Variants in MEPCE observed in about 807,000 individuals in gnomAD.
MEPCE encodes 7SK snRNA methylphosphate capping enzyme.
MEPCE carries 9 observed loss-of-function variants against 52.3 expected under a neutral mutation model. That is an observed-to-expected ratio of 0.17 (90% CI 0.10 to 0.30). The LOEUF is 0.30. Among genes scored for constraint, MEPCE ranks in the 10% least tolerant of loss-of-function variants. The pLI is 1.00. For missense variants in MEPCE, 826 were observed against 933.0 expected (o/e 0.89, Z 1.49); for synonymous variants, 477 against 401.6 (o/e 1.19, Z -2.25).
chr7:100,434,086 C>G lies in MEPCE; in HGVS notation c.*532C>G, dbSNP rs1219703632. The G allele has an allele frequency of 6.4e-6, 1 of 155,714 alleles. No individual in the cohort carries two copies. The highest frequency in any genetic ancestry group is 1.4e-5 in the Non-Finnish European group (1 of 70,132). The allele number at this position is 155,714 out of a possible 1,614,324, so 9.6% of individuals were successfully genotyped here. A position where few individuals can be genotyped will look rare whatever the true frequency, so the allele number is the denominator to read the frequency against. ...TTGGGTTTTCAATGTGAGAACAGCA[C>G]AATAAACTTGATGTCTAGGGCAGTG... On this transcript the variant is annotated 3_prime_UTR_variant, in exon 4 of 4. Coordinates refer to ENST00000310512, the MANE Select transcript of MEPCE (RefSeq NM_019606.6).
chr7:100,430,241 A>G lies in MEPCE; in HGVS notation c.223A>G (p.Thr75Ala), dbSNP rs1237403927. ...VGRESPGAAA[T>A]SSSGPQAQQH... ...TCGGGAAAGCCCCGGGGCCGCGGCCACCTCCTCCAGTGGTCCCCAGGCGCA... is the reference window on the plus strand; with the variant it reads ...TCGGGAAAGCCCCGGGGCCGCGGCCGCCTCCTCCAGTGGTCCCCAGGCGCA... The change falls in exon 1 of 4, where the codon ACC becomes GCC. Residue 75 changes from threonine (T) to alanine (A), a missense_variant. Around this residue, in one of 7 missense-constraint regions of MEPCE, gnomAD observed 314 missense variants for 277.7 expected, o/e 1.13. Coordinates refer to ENST00000310512, the MANE Select transcript of MEPCE (RefSeq NM_019606.6). 5.2e-6 allele frequency: 7 copies of G among 1,336,482 alleles called. No homozygotes were observed. The highest frequency in any genetic ancestry group is 6.7e-6 in the Non-Finnish European group (7 of 1,048,546). The allele number at this position is 1,336,482 out of a possible 1,614,324, so 82.8% of individuals were successfully genotyped here.
In MEPCE at chr7:100,429,949, G is replaced by C; in HGVS notation, c.-70G>C. 1.8e-6 allele frequency: 2 copies of C among 1,141,610 alleles called. No homozygotes were observed. Among genetic ancestry groups the C allele is most frequent in the Non-Finnish European group, 2.2e-6 (2 of 903,166 alleles). The allele number at this position is 1,141,610 out of a possible 1,614,324, so 70.7% of individuals were successfully genotyped here. ...TCGGGAAAGGGGGGAAGGGAGCAGGGTCCAGGCAGGGGGGGTTAGGCCCCC... is the reference window on the plus strand; with the variant it reads ...TCGGGAAAGGGGGGAAGGGAGCAGGCTCCAGGCAGGGGGGGTTAGGCCCCC... On this transcript the variant is annotated 5_prime_UTR_variant, in exon 1 of 4. Coordinates refer to ENST00000310512, the MANE Select transcript of MEPCE (RefSeq NM_019606.6).
In MEPCE at chr7:100,431,644, T is replaced by G; in HGVS notation, c.1626T>G (p.Asp542Glu). The change falls in exon 1 of 4, where the codon GAT becomes GAG. Residue 542 changes from aspartate (D) to glutamate (E), a missense_variant. Asp to Glu is a conservative substitution (Grantham distance 45). This residue lies in a region of MEPCE where 107 missense variants were observed against 157.9 expected (regional missense o/e 0.68). Coordinates refer to ENST00000310512, the MANE Select transcript of MEPCE (RefSeq NM_019606.6). The stretch of plus-strand genomic sequence containing the variant: ...TCGCTGCCCCCCAAGTGCCCTTGGA[T>G]GGAGCGGACACATCAGTCTTCCCCA... ...GPIAAPQVPL[D>E]GADTSVFPNN... 6.2e-7 allele frequency: 1 copy of G among 1,605,146 alleles called. No homozygotes were observed. The highest frequency in any genetic ancestry group is 8.5e-7 in the Non-Finnish European group (1 of 1,179,824).
At position 100,430,697 on chromosome 7, in the gene MEPCE, G is replaced by A; in HGVS notation, c.679G>A (p.Val227Met). The A allele has an allele frequency of 6.2e-7, 1 of 1,613,872 alleles. No individual in the cohort carries two copies. Among genetic ancestry groups the A allele is most frequent in the Non-Finnish European group, 8.5e-7 (1 of 1,180,026 alleles). ...CCTTCCGGCCAAAGGGCGAGATCCG[G>A]TGGAGATCCTCATCCCCAAAGATAT... ...SPLPAKGRDP[V>M]EILIPKDITD... Residue 227 changes from valine to methionine, a missense_variant, in exon 1 of 4, where the codon GTG becomes ATG. Physicochemically the swap from Val to Met is conservative, Grantham distance 21. Around this residue, in one of 7 missense-constraint regions of MEPCE, gnomAD observed 307 missense variants for 292.1 expected, o/e 1.05. Coordinates refer to ENST00000310512, the MANE Select transcript of MEPCE (RefSeq NM_019606.6).
At position 100,430,276 on chromosome 7, in the gene MEPCE, A is replaced by AG; in HGVS notation, c.263dup (p.Gly89ArgfsTer64). The stretch of plus-strand genomic sequence containing the variant: ...GTGGTCCCCAGGCGCAGCAGCACCG[A>AG]GGGGGCGGCCCCCAGGCGCAGTCGC... On this transcript the variant is annotated frameshift_variant, in exon 1 of 4. Transcript: ENST00000310512. LOFTEE classifies it high-confidence loss of function. 1.4e-6 allele frequency: 2 copies of AG among 1,399,696 alleles called. No homozygotes were observed. Among genetic ancestry groups the AG allele is most frequent in the South Asian group, 1.6e-5 (1 of 61,606 alleles). 86.7% of individuals were successfully genotyped at this position (1,399,696 alleles called of 1,614,324 possible). A position where few individuals can be genotyped will look rare whatever the true frequency, so the allele number is the denominator to read the frequency against.
upstream of MEPCE, chr7:100,429,418 T>A (rs550220769): frequency 6.6e-6 from 1 of 152,180 alleles, no homozygotes; most frequent in Non-Finnish European, 1.5e-5. Flanking sequence ...GTTGTTGGAT[T>A]TAGAGCCGGG....
In MEPCE at chr7:100,430,429, G is replaced by A; in HGVS notation, c.411G>A (p.Gln137=). The change falls in exon 1 of 4, where the codon CAG becomes CAA. Residue 137 remains glutamine (Q), a synonymous_variant. Coordinates refer to ENST00000310512, the MANE Select transcript of MEPCE (RefSeq NM_019606.6). ...PAPPRPRNGY[Q]PHRPPGGGGG... The stretch of plus-strand genomic sequence containing the variant: ...CTCCTCGACCCCGCAATGGCTATCA[G>A]CCCCACCGGCCACCTGGGGGGGGCG... 1 of 1,556,046 alleles carries A rather than the reference G, an allele frequency of 6.4e-7. No homozygotes were observed. The highest frequency in any genetic ancestry group is 8.7e-7 in the Non-Finnish European group (1 of 1,153,914).
Position 100,433,705 on chromosome 7 carries a change from C to T in MEPCE, c.*151C>T, listed in dbSNP as rs1798791822. ...AAAGAAAGCTTTTCTTCCGTCGCTG[C>T]CTCAGCCTCCTCCCTATGCCTCTGG... is the stretch of plus-strand genomic sequence containing the variant. On this transcript the variant is annotated 3_prime_UTR_variant, in exon 4 of 4. Transcript: ENST00000310512. 3.9e-6 allele frequency: 3 copies of T among 766,848 alleles called. No homozygotes were observed. The highest frequency in any genetic ancestry group is 6.3e-6 in the Non-Finnish European group (3 of 477,006). The allele number at this position is 766,848 out of a possible 1,614,324, so 47.5% of individuals were successfully genotyped here.
chr7:100,430,205 G>A lies in MEPCE; in HGVS notation c.187G>A (p.Ala63Thr). Residue 63 changes from alanine (A) to threonine (T), a missense_variant, in exon 1 of 4, where the codon GCT (alanine) becomes ACT (threonine). Physicochemically the swap from Ala to Thr is moderately conservative, Grantham distance 58. Coordinates refer to ENST00000310512, the MANE Select transcript of MEPCE (RefSeq NM_019606.6). ...RCAPSAGSPAAAVGRESPGAA... is the reference protein window; with the variant it reads ...RCAPSAGSPATAVGRESPGAA... ...CGCGCCATCTGCGGGGTCCCCAGCC[G>A]CTGCGGTCGGTCGGGAAAGCCCCGG... The A allele has an allele frequency of 1.5e-6, 2 of 1,309,056 alleles. No homozygotes were observed. The highest frequency in any genetic ancestry group is 1.9e-6 in the Non-Finnish European group (2 of 1,032,242). 81.1% of individuals were successfully genotyped at this position (1,309,056 alleles called of 1,614,324 possible). A position where few individuals can be genotyped will look rare whatever the true frequency, so the allele number is the denominator to read the frequency against.
rs760546814 is a variant in MEPCE, at chr7:100,431,195, GGCC to G, written c.1181_1183del (p.Arg394del). ...GGAAAAGGGCCGAGGGAGTTGGGGA[GGCC>G]GCCACCACCACCACCACCCACTGCC... is the stretch of plus-strand genomic sequence containing the variant. On this transcript the variant is annotated inframe_deletion, in exon 1 of 4. Coordinates refer to ENST00000310512, the MANE Select transcript of MEPCE (RefSeq NM_019606.6). 6.2e-7 allele frequency: 1 copy of G among 1,613,762 alleles called. No homozygotes were observed. The highest frequency in any genetic ancestry group is 1.1e-5 in the South Asian group (1 of 91,090).
Position 100,430,971 on chromosome 7 carries a change from T to C in MEPCE, c.953T>C (p.Leu318Pro). The C allele has an allele frequency of 1.2e-6, 2 of 1,610,888 alleles. No individual in the cohort carries two copies. Among genetic ancestry groups the C allele is most frequent in the Non-Finnish European group, 1.7e-6 (2 of 1,178,008 alleles). Residue 318 changes from leucine to proline, a missense_variant, in exon 1 of 4, where the codon CTC becomes CCC. By Grantham distance (98) the Leu-to-Pro change is moderately conservative. Coordinates refer to ENST00000310512, the MANE Select transcript of MEPCE (RefSeq NM_019606.6). ...QNRDAPQPYE[L>P]NTAINCRDEV... Reference sequence around the variant, plus strand: ...CGGGATGCCCCCCAACCCTATGAACTCAACACAGCCATCAACTGCAGGGAT... The same window carrying C: ...CGGGATGCCCCCCAACCCTATGAACCCAACACAGCCATCAACTGCAGGGAT...
At chr7:100,429,154 GA>G (rs908978591), upstream of MEPCE, 3 of 152,242 alleles carry the variant, frequency 2.0e-5, no homozygotes, top group African/African-American at 4.8e-5. Flanking sequence ...AAGGTGGGCA[GA>G]GGGGGGGAGG....
At chr7:100,429,488 A>C (rs1798423392), upstream of MEPCE, 1 of 152,372 alleles carries the variant, frequency 6.6e-6, no homozygotes, top group African/African-American at 2.4e-5. Flanking sequence ...AGACCTTTTC[A>C]CACCAGCTCC....
In MEPCE at chr7:100,431,082, C is replaced by T. The variant is rs1186991740; in HGVS notation, c.1064C>T (p.Pro355Leu). The change falls in exon 1 of 4, where the codon CCC (proline) becomes CTC (leucine). Residue 355 changes from proline to leucine, a missense_variant. Pro to Leu is a moderately conservative substitution (Grantham distance 98, BLOSUM62 -3). Transcript: ENST00000310512. Reference protein sequence around the residue: ...APPAASVISAPPSSSSRHRKR... With the variant: ...APPAASVISALPSSSSRHRKR... The stretch of plus-strand genomic sequence containing the variant: ...CCAGCTGCCTCAGTTATCTCTGCAC[C>T]CCCATCTTCCTCCTCCCGACATCGC... 1.2e-6 allele frequency: 2 copies of T among 1,613,804 alleles called. No homozygotes were observed. The highest frequency in any genetic ancestry group is 2.7e-5 in the African/African-American group (2 of 75,056).
rs771494839 is a variant in MEPCE at position 100,430,394 on chromosome 7, C to G, written c.376C>G (p.Pro126Ala). The G allele has an allele frequency of 1.3e-6, 2 of 1,510,772 alleles. No individual in the cohort carries two copies. Among genetic ancestry groups the G allele is most frequent in the South Asian group, 2.5e-5 (2 of 80,378 alleles). The allele number at this position is 1,510,772 out of a possible 1,614,324, so 93.6% of individuals were successfully genotyped here. ...GGGAGGGGGCGGGACAGAGCTGGGT[C>G]CCCCTGCTCCTCCTCGACCCCGCAA... ...RRGGGGTELG[P>A]PAPPRPRNGY... Residue 126 changes from proline (P) to alanine (A), a missense_variant, in exon 1 of 4, where the codon CCC becomes GCC. Physicochemically the swap from Pro to Ala is conservative, Grantham distance 27 (BLOSUM62 -1). Coordinates refer to ENST00000310512, the MANE Select transcript of MEPCE (RefSeq NM_019606.6).
At position 100,430,159 on chromosome 7, in the gene MEPCE, G is replaced by A. The variant is rs1220247683; in HGVS notation, c.141G>A (p.Thr47=). The A allele has an allele frequency of 2.3e-6, 3 of 1,283,082 alleles. No homozygotes were observed. The highest frequency in any genetic ancestry group is 2.0e-6 in the Non-Finnish European group (2 of 1,016,432). 79.5% of individuals were successfully genotyped at this position (1,283,082 alleles called of 1,614,324 possible). The change falls in exon 1 of 4, where the codon ACG becomes ACA. Residue 47 remains threonine (T), a synonymous_variant. Coordinates refer to ENST00000310512, the MANE Select transcript of MEPCE (RefSeq NM_019606.6). ...CCTCTGGGGAGCTCCGCGGCGGGAC[G>A]GAGCGTGGTCCGGGTCGTTGCGCGC... is the stretch of plus-strand genomic sequence containing the variant. The part of the protein sequence containing the change: ...EAASGELRGG[T]ERGPGRCAPS...
chr7:100,431,833 C>T (rs1222922579), intron 1 of MEPCE, 144 bp downstream of exon 1: 1 of 763,202 alleles, frequency 1.3e-6, no homozygotes, highest in Non-Finnish European at 2.1e-6. Context: ...CGTCTCTCCC[C>T]TCTTATAACC....
Position 100,430,772 on chromosome 7 carries a change from C to A in MEPCE, c.754C>A (p.Leu252Ile), listed in dbSNP as rs759392033. 1.9e-6 allele frequency: 3 copies of A among 1,613,866 alleles called. No individual in the cohort carries two copies. Among genetic ancestry groups the A allele is most frequent in the Non-Finnish European group, 2.5e-6 (3 of 1,180,018 alleles). ...TTGCACTGATGAGGGCCATGTAGTTCTTGCTTCGCCACTCAAGACTGGTCG... is the reference window on the plus strand; with the variant it reads ...TTGCACTGATGAGGGCCATGTAGTTATTGCTTCGCCACTCAAGACTGGTCG... ...NTCTDEGHVVLASPLKTGRKR... is the reference protein window; with the variant it reads ...NTCTDEGHVVIASPLKTGRKR... Residue 252 changes from leucine (L) to isoleucine (I), a missense_variant, in exon 1 of 4, where the codon CTT becomes ATT. By Grantham distance (5) the Leu-to-Ile change is conservative. Around this residue, in one of 7 missense-constraint regions of MEPCE, gnomAD observed 307 missense variants for 292.1 expected, o/e 1.05. Coordinates refer to ENST00000310512, the MANE Select transcript of MEPCE (RefSeq NM_019606.6).
rs541355782 is a variant in MEPCE, at chr7:100,432,492, A to G, written c.1672-427A>G. 7.2e-5 allele frequency among the ~76,000 whole-genome samples: 11 copies of G among 152,346 alleles called. No individual in the cohort carries two copies. In the East Asian group the frequency reaches 2.1e-3, roughly 29 times the overall value. On this transcript the variant is annotated intron_variant, in intron 1 of 3. Transcript: ENST00000310512. Reference sequence around the variant, plus strand: ...ATTTCTCTCAGAGAAAGGAAAGAATAGGCCTGAAACTTTGCCAGCCCCAAC... The same window carrying G: ...ATTTCTCTCAGAGAAAGGAAAGAATGGGCCTGAAACTTTGCCAGCCCCAAC...
Sources: allele counts gnomAD v4.1 joint callset (sites outside exome capture counted in the v4.1 genomes callset), GRCh38; gene constraint gnomAD v4.1.1; regional missense constraint gnomAD v4.1.1; transcripts MANE v1.5; gene names NCBI Gene and HGNC (gene_info 2026-07-23, HGNC 2026-07-21).